Variants in ZFYVE9 observed in about 807,000 individuals in gnomAD.
The protein encoded by ZFYVE9 is zinc finger FYVE domain-containing protein 9.
Under a neutral mutation model 126.7 loss-of-function variants are expected in ZFYVE9, and 43 were observed. The ratio of observed to expected loss-of-function variants is 0.34; its 90% confidence interval spans 0.27 to 0.44. ZFYVE9 has a LOEUF of 0.44. Among genes scored for constraint, ZFYVE9 ranks in the 20% least tolerant of loss-of-function variants. The pLI is 1.00. For missense variants in ZFYVE9, 1,476 were observed against 1,697.0 expected (o/e 0.87, Z 2.29); for synonymous variants, 521 against 597.4 (o/e 0.87, Z 1.87).
chr1:52,172,807 G>A (rs1176992664), intron 1 of ZFYVE9, among the ~76,000 whole-genome samples: 1 of 151,466 alleles, frequency 6.6e-6, no homozygotes, highest in Non-Finnish European at 1.5e-5. Flanking sequence ...CTGTTTGTCT[G>A]TTATTGGTGT....
chr1:52,182,383 CTT>C (rs1334990417), intron 1 of ZFYVE9, among the ~76,000 whole-genome samples: 3 of 151,972 alleles, frequency 2.0e-5, no homozygotes, highest in African/African-American at 7.3e-5. Flanking sequence ...ACATGGGAGA[CTT>C]TTCATTTTGT....
intron 4 of ZFYVE9, among the ~76,000 whole-genome samples, chr1:52,243,339 G>A (rs552737421): frequency 6.6e-6 from 1 of 152,272 alleles, no homozygotes; most frequent in African/African-American, 2.4e-5. Flanking sequence ...ATGGGGGTGG[G>A]AGAAGAAGGT....
At chr1:52,261,411 T>C (rs1430622640) in intron 4 of ZFYVE9, among the ~76,000 whole-genome samples, 1 of 152,084 alleles carries the variant, frequency 6.6e-6, no homozygotes, top group Non-Finnish European at 1.5e-5. Flanking sequence ...CCTTGTGTTA[T>C]TATTTGATTT....
intron 2 of ZFYVE9, among the ~76,000 whole-genome samples, chr1:52,230,674 A>T (rs557278123): frequency 6.6e-6 from 1 of 152,064 alleles, no homozygotes; most frequent in Admixed American, 6.5e-5. Flanking sequence ...CTGTCCCCTT[A>T]TAAGGGGAGC....
chr1:52,164,522 G>A (rs1438651788), intron 1 of ZFYVE9, among the ~76,000 whole-genome samples: 1 of 152,020 alleles, frequency 6.6e-6, no homozygotes, highest in African/African-American at 2.4e-5. Flanking sequence ...CCGACAATGA[G>A]TATATATCTT....
chr1:52,162,154 AT>A (rs1644467749), intron 1 of ZFYVE9: 1 of 197,112 alleles, frequency 5.1e-6, no homozygotes, highest in South Asian at 1.1e-4. Context: ...GAGGAAAAAA[AT>A]GTCCTTCATT....
chr1:52,295,620 C>G (rs1557505919), intron 11 of ZFYVE9, among the ~76,000 whole-genome samples: 1 of 152,084 alleles, frequency 6.6e-6, no homozygotes, highest in African/African-American at 2.4e-5. Context: ...GCCTCAGCCT[C>G]CCAAAGTGCT....
Position 52,295,937 on chromosome 1 carries a change from T to C in ZFYVE9, c.3293T>C (p.Leu1098Ser). 1 of 1,613,814 alleles carries C rather than the reference T, an allele frequency of 6.2e-7. No individual in the cohort carries two copies. The highest frequency in any genetic ancestry group is 2.2e-5 in the East Asian group (1 of 44,838). ...TTCAGTGTCAGATTTCGGAAGCCAT[T>C]GTTTGGAGAGACGGGGCATACCATC... ...PLFSVRFRKP[L>S]FGETGHTIMN... The change falls in exon 12 of 19, where the codon TTG (leucine) becomes TCG (serine). Residue 1098 changes from leucine to serine, a missense_variant. Transcript: ENST00000287727.
At chr1:52,327,708 T>A (rs1177429818) in intron 13 of ZFYVE9, among the ~76,000 whole-genome samples, 2 of 152,060 alleles carry the variant, frequency 1.3e-5, no homozygotes, top group Non-Finnish European at 2.9e-5. Flanking sequence ...GCGCGATGGC[T>A]CACGCATGTG....
chr1:52,326,739 T>C (rs1374150181), intron 13 of ZFYVE9, among the ~76,000 whole-genome samples: 1 of 148,314 alleles, frequency 6.7e-6, no homozygotes, highest in East Asian at 2.0e-4. Context: ...GGCACATGCC[T>C]GTGCCTGTAA....
At chr1:52,293,398 A>G (rs1645943085) in intron 10 of ZFYVE9, 55 bp from the exon 11 acceptor site, 2 of 1,199,996 alleles carry the variant, frequency 1.7e-6, no homozygotes, top group Non-Finnish European at 1.1e-6. Flanking sequence ...AAAAAAAAAA[A>G]GAAATATGAT....
At chr1:52,317,483 GAAA>G (rs58562006) in intron 13 of ZFYVE9, among the ~76,000 whole-genome samples, 17 of 146,338 alleles carry the variant, frequency 1.2e-4, no homozygotes, top group Middle Eastern at 3.4e-3. Flanking sequence ...CTCTGTCTCA[GAAA>G]AAAAAAAAAA....
intron 1 of ZFYVE9, among the ~76,000 whole-genome samples, chr1:52,171,809 T>C (rs556346620): frequency 1.4e-3 from 207 of 152,356 alleles, no homozygotes; most frequent in African/African-American, 4.8e-3. Context: ...TTTTGAGAAG[T>C]GTCTGTTCAT....
At chr1:52,171,683 A>C (rs1644571202) in intron 1 of ZFYVE9, among the ~76,000 whole-genome samples, 1 of 151,970 alleles carries the variant, frequency 6.6e-6, no homozygotes, top group African/African-American at 2.4e-5. Context: ...CTTTTTAATG[A>C]TCGCCATTCT....
chr1:52,252,814 A>G, intron 4 of ZFYVE9: 1 of 342,142 alleles, frequency 2.9e-6, no homozygotes. Context: ...GGCTCATCCC[A>G]GCCCAGAGGT....
chr1:52,242,545 T>C (rs1390855623), intron 4 of ZFYVE9, among the ~76,000 whole-genome samples: 2 of 152,150 alleles, frequency 1.3e-5, no homozygotes, highest in African/African-American at 4.8e-5. Flanking sequence ...GCAGTACTTT[T>C]TTTTTTTTTA....
At chr1:52,287,439 T>G (rs895116514) in intron 10 of ZFYVE9, among the ~76,000 whole-genome samples, 2 of 152,204 alleles carry the variant, frequency 1.3e-5, no homozygotes, top group Non-Finnish European at 2.9e-5. Flanking sequence ...GTGTTTGGTG[T>G]TGTTATGGTT....
At chr1:52,333,322 T>C (rs1321007447) in intron 14 of ZFYVE9, among the ~76,000 whole-genome samples, 1 of 151,852 alleles carries the variant, frequency 6.6e-6, no homozygotes, top group Non-Finnish European at 1.5e-5. Flanking sequence ...CCTTAGGATA[T>C]TGACAAGGGC....
intron 1 of ZFYVE9, among the ~76,000 whole-genome samples, chr1:52,211,158 T>G (rs1442666881): frequency 6.6e-6 from 1 of 152,168 alleles, no homozygotes; most frequent in Non-Finnish European, 1.5e-5. Context: ...TGTATTACCT[T>G]TCATGACCTG....
Sources: gnomAD v4.1 joint callset for allele counts (sites outside exome capture counted in the v4.1 genomes callset) on GRCh38, gnomAD v4.1.1 for gene constraint, MANE v1.5 for transcripts, NCBI Gene and HGNC (gene_info 2026-07-23, HGNC 2026-07-21) for gene names.